TBCK: variants seen among roughly 807,000 people sequenced by gnomAD.
TBCK encodes the protein TBC1 domain containing kinase.
Under a neutral mutation model 113.4 loss-of-function variants are expected in TBCK, and 99 were observed. The observed-to-expected ratio is 0.87, with a 90% confidence interval of 0.74 to 1.03. TBCK has a LOEUF of 1.03. TBCK is among the 50% of genes least tolerant of loss of function. The probability of loss-of-function intolerance (pLI) is 0.00; values close to 1 mark genes in which losing one functional copy is unlikely to be tolerated. For missense variants in TBCK, 1,045 were observed against 1,061.3 expected, an observed-to-expected ratio of 0.98 and a Z score of 0.21; for synonymous variants, 369 against 370.8, an observed-to-expected ratio of 1.00 and a Z score of 0.05.
At chr4:106,050,626 A>T (rs1734701475) in intron 25 of TBCK, among the ~76,000 whole-genome samples, 1 of 152,078 alleles carries the variant, frequency 6.6e-6, no homozygotes, top group Admixed American at 6.6e-5. Context: ...ATTAGAAAAT[A>T]TTCTCAACTG....
At chr4:106,212,961 A>G in intron 19 of TBCK, 126 bp from the exon 20 acceptor site, 2 of 634,446 alleles carry the variant, frequency 3.2e-6, no homozygotes, top group Non-Finnish European at 5.4e-6. Flanking sequence ...TTTACGTGAT[A>G]ATTTTGTTTT....
intron 20 of TBCK, among the ~76,000 whole-genome samples, chr4:106,195,224 G>A (rs1014537708): frequency 4.6e-5 from 7 of 151,982 alleles, no homozygotes; most frequent in Admixed American, 4.6e-4. Context: ...GGTAATTACA[G>A]TTATTACAAA....
intron 25 of TBCK, among the ~76,000 whole-genome samples, chr4:106,053,105 CCTCTCTTT>C (rs1280261245): frequency 2.0e-5 from 3 of 151,648 alleles, no homozygotes; most frequent in African/African-American, 4.8e-5. Flanking sequence ...TCTTCCCCTC[CCTCTCTTT>C]GTCTATCCAT....
At chr4:106,230,058 G>A (rs959044078) in intron 19 of TBCK, among the ~76,000 whole-genome samples, 4 of 151,958 alleles carry the variant, frequency 2.6e-5, no homozygotes, top group African/African-American at 4.8e-5. Flanking sequence ...CTTGCCCATG[G>A]TGAAGCTTTT....
At chr4:106,215,520 G>C (rs774071290) in intron 19 of TBCK, among the ~76,000 whole-genome samples, 49 of 152,086 alleles carry the variant, frequency 3.2e-4, no homozygotes, top group Middle Eastern at 6.8e-3. Context: ...GATGGAGGAA[G>C]ATCTACCAAG....
chr4:106,197,967 G>C (rs1754455839), intron 20 of TBCK, among the ~76,000 whole-genome samples: 1 of 151,984 alleles, frequency 6.6e-6, no homozygotes, highest in South Asian at 2.1e-4. Flanking sequence ...GTTCTACCTG[G>C]TCCAATATTT....
intron 10 of TBCK, 130 bp from the exon 11 acceptor site, chr4:106,244,894 T>C: frequency 1.8e-6 from 1 of 559,984 alleles, no homozygotes; most frequent in Non-Finnish European, 2.9e-6. Flanking sequence ...CTAGTTCTGA[T>C]TGTAGGGAGC....
intron 25 of TBCK, among the ~76,000 whole-genome samples, chr4:106,086,997 G>A (rs533689547): frequency 1.3e-5 from 2 of 152,154 alleles, no homozygotes; most frequent in African/African-American, 4.8e-5. Flanking sequence ...GCAAAAGCTG[G>A]AAGCATTCCC....
intron 25 of TBCK, among the ~76,000 whole-genome samples, chr4:106,047,865 T>C (rs1265227551): frequency 2.0e-5 from 3 of 152,286 alleles, no homozygotes; most frequent in South Asian, 2.1e-4. Context: ...TTCCTCCTCA[T>C]TGAGTATTTG....
In TBCK at chr4:106,230,262, G is replaced by A. The variant is rs146958166; in HGVS notation, c.1774+101C>T. ...GGATTTTATTGGATGGACCATCATC[G>A]TATTTTTGGGGTCAAAATCTTAAAT... On this transcript the variant is annotated intron_variant, in intron 19 of 25. Coordinates refer to ENST00000394708, the MANE Select transcript of TBCK (RefSeq NM_001163435.3). 1.0e-3 allele frequency: 612 copies of A among 608,090 alleles called. 1 individual carries two copies. The highest frequency in any genetic ancestry group is 8.1e-3 in the African/African-American group (429 of 52,874). 37.7% of individuals were successfully genotyped at this position (608,090 alleles called of 1,614,324 possible).
At chr4:106,132,662 C>T (rs1714573133) in intron 23 of TBCK, among the ~76,000 whole-genome samples, 1 of 152,194 alleles carries the variant, frequency 6.6e-6, no homozygotes, top group Non-Finnish European at 1.5e-5. Context: ...AAGCCACAGA[C>T]ACTCAATGCT....
intron 22 of TBCK, among the ~76,000 whole-genome samples, chr4:106,177,831 A>C (rs56316903): frequency 0.014 from 2,073 of 151,964 alleles, 52 homozygotes; most frequent in African/African-American, 0.047. Flanking sequence ...GTTCCATAAA[A>C]ATTTTAGGAT....
chr4:106,250,806 T>C (rs1350983833), intron 6 of TBCK, among the ~76,000 whole-genome samples: 1 of 152,004 alleles, frequency 6.6e-6, no homozygotes, highest in East Asian at 1.9e-4. Flanking sequence ...CTTACTTTAT[T>C]GAGACCAAGA....
At chr4:106,074,872 C>T (rs1384572159) in intron 25 of TBCK, among the ~76,000 whole-genome samples, 3 of 152,140 alleles carry the variant, frequency 2.0e-5, no homozygotes, top group Non-Finnish European at 4.4e-5. Flanking sequence ...AACAGAGGGA[C>T]AAGCCAACCT....
At chr4:106,212,918 A>T in intron 19 of TBCK, 83 bp from the exon 20 acceptor site, 1 of 855,406 alleles carries the variant, frequency 1.2e-6, no homozygotes, top group Non-Finnish European at 1.9e-6. Context: ...TTATTTATAC[A>T]TTGAATGAGA....
chr4:106,177,599 A>C (rs1357604216), intron 22 of TBCK, among the ~76,000 whole-genome samples: 1 of 151,906 alleles, frequency 6.6e-6, no homozygotes, highest in Non-Finnish European at 1.5e-5. Flanking sequence ...TCTTTTCCCC[A>C]ATGTATATTG....
chr4:106,117,808 G>A (rs564894932), intron 23 of TBCK, among the ~76,000 whole-genome samples: 4 of 152,210 alleles, frequency 2.6e-5, no homozygotes, highest in Non-Finnish European at 5.9e-5. Context: ...AGGAAATGGA[G>A]ACCATCCTGG....
At chr4:106,159,658 C>T (rs1025093746) in intron 23 of TBCK, among the ~76,000 whole-genome samples, 4 of 151,872 alleles carry the variant, frequency 2.6e-5, no homozygotes, top group Non-Finnish European at 5.9e-5. Flanking sequence ...ACACAAGCCA[C>T]GTTTATGGAT....
chr4:106,125,952 A>C (rs2149602982), intron 23 of TBCK, among the ~76,000 whole-genome samples: 1 of 152,328 alleles, frequency 6.6e-6, no homozygotes, highest in East Asian at 1.9e-4. Context: ...AAATCTATAT[A>C]AAGTATTTAG....
Sources: gnomAD v4.1 joint callset for allele counts (sites outside exome capture counted in the v4.1 genomes callset) on GRCh38, gnomAD v4.1.1 for gene constraint, MANE v1.5 for transcripts, NCBI Gene and HGNC (gene_info 2026-07-23, HGNC 2026-07-21) for gene names.